Variants in GOLGA5 observed in about 807,000 individuals in gnomAD.
The protein encoded by GOLGA5 is golgin subfamily A member 5.
A neutral mutation model predicts 93.5 loss-of-function variants in GOLGA5; 50 were observed. That is an observed-to-expected ratio of 0.53 (90% CI 0.43 to 0.68). The LOEUF (loss-of-function observed/expected upper bound fraction) is 0.68. GOLGA5 is among the 30% of genes least tolerant of loss of function. The pLI is 0.00. For synonymous variants in GOLGA5, 312 were observed against 304.5 expected (o/e 1.02, Z -0.26); for missense variants, 760 against 856.4 (o/e 0.89, Z 1.40).
chr14:92,828,890 A>G (rs551881377), intron 9 of GOLGA5, among the ~76,000 whole-genome samples: 1 of 152,296 alleles, frequency 6.6e-6, no homozygotes, highest in East Asian at 1.9e-4. Flanking sequence ...GTTGGTCTCT[A>G]ACTCCTGGCC....
chr14:92,811,579 T>C lies in GOLGA5; in HGVS notation c.1145T>C (p.Val382Ala). Residue 382 changes from valine to alanine, a missense_variant, in exon 6 of 13, where the codon GTG becomes GCG. Transcript: ENST00000163416. The part of the protein sequence containing the change: ...QSEFAARLNK[V>A]EMERQNLAEA... The stretch of plus-strand genomic sequence containing the variant: ...GAGTTTGCTGCACGCCTTAATAAAG[T>C]GGAAATGGAACGTCAGAATTTAGCA... 6.2e-7 allele frequency: 1 copy of C among 1,612,892 alleles called. No individual in the cohort carries two copies. Among genetic ancestry groups the C allele is most frequent in the Non-Finnish European group, 8.5e-7 (1 of 1,179,008 alleles).
intron 12 of GOLGA5, among the ~76,000 whole-genome samples, chr14:92,837,690 A>G (rs1337856033): frequency 4.6e-5 from 7 of 151,994 alleles, no homozygotes; most frequent in Admixed American, 4.6e-4. Context: ...TTGCCTCCCA[A>G]GTAGCTGGGA....
intron 2 of GOLGA5, among the ~76,000 whole-genome samples, chr14:92,804,561 AT>A (rs761053938): frequency 1.7e-4 from 26 of 151,566 alleles, no homozygotes; most frequent in African/African-American, 4.8e-4. Flanking sequence ...ATCTTATATC[AT>A]TTTTTCTATA....
chr14:92,833,402 G>A, intron 10 of GOLGA5, 55 bp downstream of exon 10: 1 of 1,218,534 alleles, frequency 8.2e-7, no homozygotes. Context: ...CTTTTGAAAA[G>A]TTATAGAAGG....
intron 2 of GOLGA5, among the ~76,000 whole-genome samples, chr14:92,805,356 C>CT (rs2140315790): frequency 6.6e-6 from 1 of 152,250 alleles, no homozygotes; most frequent in South Asian, 2.1e-4. Context: ...ATGTAGTACT[C>CT]TATTATACGG....
At chr14:92,829,573 C>A (rs1173845750) in intron 9 of GOLGA5, among the ~76,000 whole-genome samples, 1 of 152,160 alleles carries the variant, frequency 6.6e-6, no homozygotes, top group African/African-American at 2.4e-5. Context: ...GGCTAAATTG[C>A]TGCAATCTCA....
intron 9 of GOLGA5, among the ~76,000 whole-genome samples, chr14:92,830,880 G>A (rs527475331): frequency 5.3e-5 from 8 of 152,266 alleles, no homozygotes; most frequent in African/African-American, 7.2e-5. Context: ...AGTTACACAC[G>A]TGAGTCACCA....
Position 92,806,959 on chromosome 14 carries a change from A to G in GOLGA5, c.768A>G (p.Gln256=). The change falls in exon 3 of 13, where the codon CAA becomes CAG. Residue 256 remains glutamine (Q), a synonymous_variant. Transcript: ENST00000163416. ...TACTCCAAAGATCCAAAGAGACTCA[A>G]GAAGGTAGAGGCTTAAATTGTTCAG... ...ASLLQRSKET[Q]EELNKARARV... The G allele has an allele frequency of 6.4e-7, 1 of 1,561,972 alleles. No individual in the cohort carries two copies. Among genetic ancestry groups the G allele is most frequent in the Non-Finnish European group, 8.8e-7 (1 of 1,132,262 alleles).
rs935078656 is a variant in GOLGA5 at position 92,814,635 on chromosome 14, A to T, written c.1321-1616A>T. Among the ~76,000 whole-genome samples, 8 of 152,214 alleles carry T rather than the reference A, an allele frequency of 5.3e-5. No homozygotes were observed. The South Asian group carries it at 1.0e-3, about 20-fold the overall frequency. On this transcript the variant is annotated intron_variant, in intron 6 of 12. Coordinates refer to ENST00000163416, the MANE Select transcript of GOLGA5 (RefSeq NM_005113.4). ...TAGAAAATTTGAAGAATACAAAAGA[A>T]GTTTGAAGAAGGAAATGGAAATAAC...
At chr14:92,831,355 C>CCAT (rs1207266719) in intron 9 of GOLGA5, among the ~76,000 whole-genome samples, 1 of 152,172 alleles carries the variant, frequency 6.6e-6, no homozygotes, top group Admixed American at 6.5e-5. Context: ...ACCCAAATGT[C>CCAT]CATCAGCAGG....
intron 12 of GOLGA5, 73 bp downstream of exon 12, chr14:92,837,522 G>C: frequency 8.1e-6 from 6 of 737,718 alleles, no homozygotes; most frequent in Non-Finnish European, 1.2e-5. Flanking sequence ...TTGTTTGTTT[G>C]TTTTGGCTAC....
rs761020185 is a variant in GOLGA5 at position 92,809,284 on chromosome 14, T to G, written c.773-16T>G. 3.2e-5 allele frequency: 50 copies of G among 1,561,088 alleles called. No individual in the cohort carries two copies. Among genetic ancestry groups the G allele is most frequent in the Non-Finnish European group, 4.1e-5 (47 of 1,134,266 alleles). ...TTTGGTTTTGCTTGTATAGAGAAAT[T>G]TAAATTTTTTAATAGAATTAAACAA... On this transcript the variant is annotated splice_polypyrimidine_tract_variant and intron_variant, in intron 3 of 12. Coordinates refer to ENST00000163416, the MANE Select transcript of GOLGA5 (RefSeq NM_005113.4).
intron 8 of GOLGA5, among the ~76,000 whole-genome samples, chr14:92,822,321 C>G (rs971947409): frequency 1.3e-5 from 2 of 152,170 alleles, no homozygotes; most frequent in African/African-American, 4.8e-5. Flanking sequence ...AGACAGCTCC[C>G]GAACTGCTGC....
chr14:92,798,054 T>C (rs1884776991), intron 2 of GOLGA5, 73 bp downstream of exon 2: 2 of 976,356 alleles, frequency 2.0e-6, no homozygotes, highest in Admixed American at 2.3e-5. Context: ...CCGATGGTGT[T>C]TCTCATCTAC....
At chr14:92,799,745 A>G (rs1377863602) in intron 2 of GOLGA5, among the ~76,000 whole-genome samples, 1 of 152,124 alleles carries the variant, frequency 6.6e-6, no homozygotes, top group Non-Finnish European at 1.5e-5. Flanking sequence ...AGCTGGGACT[A>G]TAGGTGTGCA....
chr14:92,834,061 T>C (rs1885585008), intron 10 of GOLGA5, among the ~76,000 whole-genome samples: 1 of 151,582 alleles, frequency 6.6e-6, no homozygotes, highest in Admixed American at 6.6e-5. Flanking sequence ...AATGAAATTA[T>C]AAATAAGTAA....
chr14:92,807,395 G>A (rs1266969163), intron 3 of GOLGA5, among the ~76,000 whole-genome samples: 3 of 152,134 alleles, frequency 2.0e-5, no homozygotes, highest in Non-Finnish European at 2.9e-5. Flanking sequence ...AATTAGATGC[G>A]ACTTGTAAAA....
At chr14:92,834,054 G>A (rs960834969) in intron 10 of GOLGA5, among the ~76,000 whole-genome samples, 221 of 150,574 alleles carry the variant, frequency 1.5e-3, no homozygotes, top group African/African-American at 5.1e-3. Flanking sequence ...AAGTAAAAAT[G>A]AAATTATAAA....
intron 7 of GOLGA5, 46 bp downstream of exon 7, chr14:92,816,467 G>C: frequency 6.6e-7 from 1 of 1,512,516 alleles, no homozygotes; most frequent in Non-Finnish European, 9.1e-7. Context: ...TTTACCCTCA[G>C]GTGTTAACAG....
Sources: allele counts gnomAD v4.1 joint callset (sites outside exome capture counted in the v4.1 genomes callset), GRCh38; gene constraint gnomAD v4.1.1; transcripts MANE v1.5; gene names NCBI Gene and HGNC (gene_info 2026-07-23, HGNC 2026-07-21).